Variants in HEATR5B observed in about 807,000 individuals in gnomAD.
The protein encoded by HEATR5B is HEAT repeat containing 5B.
Under a neutral mutation model 224.1 loss-of-function variants are expected in HEATR5B, and 156 were observed. That is an observed-to-expected ratio of 0.70 (90% CI 0.61 to 0.80). The LOEUF is 0.80. Ranked by LOEUF, HEATR5B falls within the 30% of genes least tolerant of loss-of-function variation. The pLI, the probability that HEATR5B is intolerant of heterozygous loss-of-function variation, is 0.00. For missense variants in HEATR5B, 2,323 were observed against 2,535.5 expected, an observed-to-expected ratio of 0.92 and a Z score of 1.80; for synonymous variants, 1,027 against 893.0, an observed-to-expected ratio of 1.15 and a Z score of -2.68.
intron 6 of HEATR5B, among the ~76,000 whole-genome samples, 183 bp downstream of exon 6, chr2:37,071,927 C>T (rs1293316876): frequency 5.9e-5 from 9 of 152,146 alleles, no homozygotes; most frequent in African/African-American, 1.7e-4. Context: ...TCGTGATCCA[C>T]CTGTCTCGGC....
rs941771778 is a variant in HEATR5B at position 37,065,987 on chromosome 2, A to G, written c.1178-77T>C. 3.8e-6 allele frequency: 5 copies of G among 1,306,352 alleles called. No homozygotes were observed. The Admixed American group carries it at 6.5e-5, about 17-fold the overall frequency. The allele number at this position is 1,306,352 out of a possible 1,614,324, so 80.9% of individuals were successfully genotyped here. A position where few individuals can be genotyped will look rare whatever the true frequency, so the allele number is the denominator to read the frequency against. ...ATTTTTTTGGTCTATACAATTTATG[A>G]TTTTAGCCATACCAGTTGATGTCCG... On this transcript the variant is annotated intron_variant, in intron 8 of 35. Coordinates refer to ENST00000233099, the MANE Select transcript of HEATR5B (RefSeq NM_019024.3).
At chr2:37,081,660 T>C (rs1028842005) in intron 2 of HEATR5B, among the ~76,000 whole-genome samples, 11 of 152,194 alleles carry the variant, frequency 7.2e-5, no homozygotes, top group African/African-American at 2.4e-4. Context: ...TTCTTCATTA[T>C]GGAAGCAGAC....
At position 37,007,172 on chromosome 2, in the gene HEATR5B, G is replaced by T. The variant is rs1197993048; in HGVS notation, c.4655C>A (p.Ala1552Glu). 1.2e-6 allele frequency: 2 copies of T among 1,614,062 alleles called. No homozygotes were observed. The highest frequency in any genetic ancestry group is 2.7e-5 in the African/African-American group (2 of 74,992). Residue 1552 changes from alanine to glutamate, a missense_variant, in exon 29 of 36, where the codon GCA becomes GAA. By Grantham distance (107) the Ala-to-Glu change is moderately radical. Transcript: ENST00000233099. ...TGFTCSESTEAAAISGLQKRS... is the reference protein window; with the variant it reads ...TGFTCSESTEEAAISGLQKRS... ...TTTTTGTAAACCAGATATTGCTGCT[G>T]CTTCTGTAGACTCTGAGCACGTAAA... is the stretch of plus-strand genomic sequence containing the variant.
intron 18 of HEATR5B, among the ~76,000 whole-genome samples, chr2:37,047,535 T>C (rs2148516133): frequency 6.6e-6 from 1 of 152,278 alleles, no homozygotes; most frequent in Non-Finnish European, 1.5e-5. Flanking sequence ...TTCTCAGAGG[T>C]CTCAAAGTGA....
Position 37,079,285 on chromosome 2 carries a change from C to T in HEATR5B, c.173G>A (p.Gly58Glu). 2 of 1,612,586 alleles carry T rather than the reference C, an allele frequency of 1.2e-6. No individual in the cohort carries two copies. The highest frequency in any genetic ancestry group is 1.7e-6 in the Non-Finnish European group (2 of 1,179,342). ...TGGTCCAGGTGAACTACTTATTAAT[C>T]CAGTTAATTGTTCAACAAGTTTTTT... is the stretch of plus-strand genomic sequence containing the variant. ...KQKKLVEQLT[G>E]LISSSPGPPT... Residue 58 changes from glycine (G) to glutamate (E), a missense_variant, in exon 3 of 36, where the codon GGA (glycine) becomes GAA (glutamate). This residue lies in a region of HEATR5B where 292 missense variants were observed against 332.6 expected (regional missense o/e 0.88). Transcript: ENST00000233099.
rs763055395 is a variant in HEATR5B, at chr2:37,057,410, A to T, written c.2130T>A (p.Thr710=). ...GGCAGAGGGATCTGAGGAGGGAAGT[A>T]GTTGTGTTGGCTGAGTTGTCAGTCA... ...FTLTDNSANT[T]TSLLRSLCHY... is the part of the protein sequence containing the mutation. Residue 710 remains threonine, a synonymous_variant, in exon 15 of 36, where the codon ACT becomes ACA. Coordinates refer to ENST00000233099, the MANE Select transcript of HEATR5B (RefSeq NM_019024.3). The T allele has an allele frequency of 3.7e-6, 6 of 1,611,718 alleles. No homozygotes were observed. The South Asian group carries it at 6.6e-5, about 18-fold the overall frequency.
chr2:37,012,009 T>A (rs151318455), intron 27 of HEATR5B, among the ~76,000 whole-genome samples: 1 of 152,324 alleles, frequency 6.6e-6, no homozygotes, highest in East Asian at 1.9e-4. Context: ...TGAGAATATA[T>A]CTTTCAGACC....
chr2:36,987,167 G>A (rs773427423), intron 35 of HEATR5B, among the ~76,000 whole-genome samples: 7 of 152,138 alleles, frequency 4.6e-5, no homozygotes, highest in Admixed American at 1.3e-4. Context: ...AGCGGCTCAC[G>A]CTTGTAATCC....
chr2:37,025,417 A>G (rs1032302220), intron 24 of HEATR5B, among the ~76,000 whole-genome samples: 15 of 152,116 alleles, frequency 9.9e-5, no homozygotes, highest in Non-Finnish European at 2.1e-4. Flanking sequence ...CTGAAGATTC[A>G]GAGAAATGGC....
In HEATR5B at chr2:37,008,493, A is replaced by C. The variant is rs1449166970; in HGVS notation, c.4522+118T>G. On this transcript the variant is annotated intron_variant, in intron 28 of 35. Transcript: ENST00000233099. ...TCTAACTGAGACAACATCAAACTTA[A>C]GCCACAGAAATTTAAACTGTTACTA... 8.2e-6 allele frequency: 6 copies of C among 728,298 alleles called. No individual in the cohort carries two copies. In the East Asian group the frequency reaches 1.5e-4, roughly 18 times the overall value. The allele number at this position is 728,298 out of a possible 1,614,324, so 45.1% of individuals were successfully genotyped here.
At chr2:37,004,806 A>G (rs1029395488) in intron 30 of HEATR5B, among the ~76,000 whole-genome samples, 1 of 152,088 alleles carries the variant, frequency 6.6e-6, no homozygotes, top group Non-Finnish European at 1.5e-5. Context: ...AATGCTATTT[A>G]TCCTCAAGCT....
chr2:37,038,212 T>C (rs1327192147), intron 20 of HEATR5B, among the ~76,000 whole-genome samples, 188 bp from the exon 21 acceptor site: 1 of 152,180 alleles, frequency 6.6e-6, no homozygotes. Flanking sequence ...CGATCTCGGC[T>C]CACTGCAACC....
At position 37,008,573 on chromosome 2, in the gene HEATR5B, GA is replaced by G. The variant is rs1558724009; in HGVS notation, c.4522+37del. Reference sequence around the variant, plus strand: ...CTCTATTTTGTTTAACTACTACTTTGAACTCCATAAAAGTAAAACTCAGAAT... The same window carrying G: ...CTCTATTTTGTTTAACTACTACTTTGACTCCATAAAAGTAAAACTCAGAAT... On this transcript the variant is annotated intron_variant, in intron 28 of 35. Transcript: ENST00000233099. 3.6e-6 allele frequency: 5 copies of G among 1,393,160 alleles called. No individual in the cohort carries two copies. In the South Asian group the frequency reaches 5.8e-5, roughly 16 times the overall value. 86.3% of individuals were successfully genotyped at this position (1,393,160 alleles called of 1,614,324 possible).
chr2:37,032,203 T>A (rs1477035841), intron 22 of HEATR5B, among the ~76,000 whole-genome samples: 2 of 152,218 alleles, frequency 1.3e-5, no homozygotes, highest in Non-Finnish European at 2.9e-5. Context: ...TCAGTTTTTT[T>A]AAGCTGCAAA....
intron 5 of HEATR5B, among the ~76,000 whole-genome samples, chr2:37,075,057 C>G (rs552473121): frequency 4.6e-5 from 7 of 152,174 alleles, no homozygotes; most frequent in Non-Finnish European, 8.8e-5. Context: ...CTATTCCATC[C>G]CTAGGTTATT....
At chr2:37,022,599 C>T (rs10084315) in intron 24 of HEATR5B, among the ~76,000 whole-genome samples, 5,399 of 152,264 alleles carry the variant, frequency 0.035, 117 homozygotes, top group African/African-American at 0.051. Context: ...ACAAAAAAGG[C>T]TGTAGGTTGG....
chr2:37,052,143 A>G (rs1202949619), intron 17 of HEATR5B, among the ~76,000 whole-genome samples: 1 of 152,184 alleles, frequency 6.6e-6, no homozygotes, highest in African/African-American at 2.4e-5. Context: ...GCAAACACAT[A>G]TTTGCTACCA....
chr2:37,048,531 C>G (rs571176291), intron 18 of HEATR5B, among the ~76,000 whole-genome samples: 1 of 151,968 alleles, frequency 6.6e-6, no homozygotes, highest in South Asian at 2.1e-4. Flanking sequence ...AAAAAATTAC[C>G]CTTCAAGAGC....
chr2:37,026,853 C>T lies in HEATR5B; in HGVS notation c.3853+1070G>A, dbSNP rs575340043. Among the ~76,000 whole-genome samples, 288 of 152,300 alleles carry T rather than the reference C, an allele frequency of 1.9e-3. 3 individuals carry two copies. The highest frequency in any genetic ancestry group is 6.7e-3 in the African/African-American group (277 of 41,558). On this transcript the variant is annotated intron_variant, in intron 24 of 35. Coordinates refer to ENST00000233099, the MANE Select transcript of HEATR5B (RefSeq NM_019024.3). ...TTGCTCTGTCGCTCAGGCTGGAGTA[C>T]GGTGGCGTGATCTCAGCTCACTGCT...
Sources: gnomAD v4.1 joint callset for allele counts (sites outside exome capture counted in the v4.1 genomes callset) on GRCh38, gnomAD v4.1.1 for gene constraint, gnomAD v4.1.1 regional missense constraint, MANE v1.5 for transcripts, NCBI Gene and HGNC (gene_info 2026-07-23, HGNC 2026-07-21) for gene names.